Variants in RASSF6 observed in about 807,000 individuals in gnomAD.
RASSF6 encodes the protein Ras association domain family member 6, also known as ras association domain-containing protein 6.
RASSF6 carries 52 observed loss-of-function variants against 44.0 expected under a neutral mutation model. The ratio of observed to expected loss-of-function variants is 1.18; its 90% CI spans 0.95 to 1.49. The LOEUF is 1.49. RASSF6 is among the 40% of genes most tolerant of loss of function. The pLI is 0.00. For missense variants in RASSF6, 464 were observed against 393.3 expected (o/e 1.18, Z -1.52); for synonymous variants, 162 against 124.6 (o/e 1.30, Z -2.00).
At chr4:73,617,730 GT>G (rs1186595597) in intron 1 of RASSF6, among the ~76,000 whole-genome samples, 1 of 152,156 alleles carries the variant, frequency 6.6e-6, no homozygotes, top group Non-Finnish European at 1.5e-5. Flanking sequence ...TTGAGATTAT[GT>G]TATGAAAGTG....
chr4:73,616,887 T>C (rs1400765845), intron 1 of RASSF6, among the ~76,000 whole-genome samples: 1 of 152,110 alleles, frequency 6.6e-6, no homozygotes, highest in Non-Finnish European at 1.5e-5. Context: ...AACCTTGGAG[T>C]AGAGAAGAGC....
intron 2 of RASSF6, among the ~76,000 whole-genome samples, chr4:73,601,412 G>A (rs1290688482): frequency 1.3e-5 from 2 of 152,272 alleles, no homozygotes; most frequent in Non-Finnish European, 2.9e-5. Flanking sequence ...CTGGCTCTTC[G>A]CAGAGAAAGT....
intron 1 of RASSF6, 149 bp downstream of exon 1, chr4:73,620,139 A>G: frequency 2.4e-6 from 1 of 422,454 alleles, no homozygotes; most frequent in Non-Finnish European, 4.1e-6. Flanking sequence ...TGAGAAAATC[A>G]AAAGGAAAAG....
chr4:73,614,645 A>C (rs1726228402), intron 1 of RASSF6, among the ~76,000 whole-genome samples: 1 of 152,222 alleles, frequency 6.6e-6, no homozygotes, highest in Admixed American at 6.5e-5. Context: ...ATTTGCATTC[A>C]TAAGAAATAT....
Position 73,582,221 on chromosome 4 carries a change from C to T in RASSF6, c.637G>A (p.Glu213Lys), listed in dbSNP as rs1032458000. The change falls in exon 7 of 11, where the codon GAA becomes AAA. Residue 213 changes from glutamate to lysine, a missense_variant. Glu to Lys is a moderately conservative substitution (Grantham distance 56). Coordinates refer to ENST00000307439, the MANE Select transcript of RASSF6 (RefSeq NM_177532.5). ...TTTTGGAGAAGTTGCTTTATTACTT[C>T]TTCAGTTCTCATGTTACTGTTTACT... The part of the protein sequence containing the change: ...VRVNSNMRTE[E>K]VIKQLLQKFK... The T allele has an allele frequency of 6.3e-7, 1 of 1,591,208 alleles. No homozygotes were observed. The highest frequency in any genetic ancestry group is 1.7e-5 in the Admixed American group (1 of 58,878).
In RASSF6 at chr4:73,576,598, T is replaced by C; in HGVS notation, c.840+15A>G. The C allele has an allele frequency of 6.3e-7, 1 of 1,588,966 alleles. No homozygotes were observed. Among genetic ancestry groups the C allele is most frequent in the African/African-American group, 1.3e-5 (1 of 74,344 alleles). On this transcript the variant is annotated intron_variant, in intron 9 of 10. Coordinates refer to ENST00000307439, the MANE Select transcript of RASSF6 (RefSeq NM_177532.5). ...AGGGAAGCAAAAAACAGATTCAGGG[T>C]GATGGTATTCATACATCACTGCTAA...
At chr4:73,581,634 T>C (rs987671071) in intron 8 of RASSF6, among the ~76,000 whole-genome samples, 183 bp downstream of exon 8, 1 of 152,186 alleles carries the variant, frequency 6.6e-6, no homozygotes, top group African/African-American at 2.4e-5. Context: ...TACCTTATTC[T>C]TAAGTTATCT....
intron 6 of RASSF6, among the ~76,000 whole-genome samples, chr4:73,584,408 A>G (rs1326475704): frequency 6.6e-6 from 1 of 152,154 alleles, no homozygotes; most frequent in African/African-American, 2.4e-5. Flanking sequence ...GAAAAAAATG[A>G]TGATATATTT....
At chr4:73,580,590 T>C (rs1226237033) in intron 8 of RASSF6, among the ~76,000 whole-genome samples, 1 of 149,200 alleles carries the variant, frequency 6.7e-6, no homozygotes, top group Non-Finnish European at 1.5e-5. Context: ...TGGTATCTCA[T>C]TGTGGTTTTG....
chr4:73,576,484 G>T lies in RASSF6; in HGVS notation c.864C>A (p.His288Gln). The T allele has an allele frequency of 1.9e-6, 3 of 1,581,206 alleles. No individual in the cohort carries two copies. Among genetic ancestry groups the T allele is most frequent in the Non-Finnish European group, 2.6e-6 (3 of 1,162,084 alleles). Residue 288 changes from histidine to glutamine, a missense_variant, in exon 10 of 11, where the codon CAC (histidine) becomes CAA (glutamine). Coordinates refer to ENST00000307439, the MANE Select transcript of RASSF6 (RefSeq NM_177532.5). ...SSDVAQYINFHFSLLESILQR... is the reference protein window; with the variant it reads ...SSDVAQYINFQFSLLESILQR... ...GAAGAATGGATTCCAAGAGAGAAAA[G>T]TGAAAGTTAATGTACTGAGCCACCT...
chr4:73,576,707 T>A lies in RASSF6; in HGVS notation c.746A>T (p.Asp249Val), dbSNP rs200656717. ...TGEQRRLKKTDIPLLQRLLQG... is the reference protein window; with the variant it reads ...TGEQRRLKKTVIPLLQRLLQG... ...TAGGAGCCTCTGCAGTAGCGGAATG[T>A]CTGTCTTCTTTAGTCGTCTTTGTTC... The change falls in exon 9 of 11, where the codon GAC (aspartate) becomes GTC (valine). Residue 249 changes from aspartate (D) to valine (V), a missense_variant. Transcript: ENST00000307439. 1.1e-4 allele frequency: 185 copies of A among 1,611,570 alleles called. 1 individual carries two copies. The East Asian group carries it at 3.5e-3, about 30-fold the overall frequency.
intron 5 of RASSF6, among the ~76,000 whole-genome samples, chr4:73,585,877 C>T (rs965177161): frequency 6.6e-6 from 1 of 151,048 alleles, no homozygotes; most frequent in African/African-American, 2.4e-5. Flanking sequence ...GTAATGTGCA[C>T]AATGTGCAGG....
chr4:73,614,840 G>A (rs1726241546), intron 1 of RASSF6, among the ~76,000 whole-genome samples: 1 of 151,980 alleles, frequency 6.6e-6, no homozygotes, highest in Non-Finnish European at 1.5e-5. Flanking sequence ...TTTAATGTAA[G>A]AAAATAAAAA....
At chr4:73,602,985 G>T (rs1725383103) in intron 2 of RASSF6, among the ~76,000 whole-genome samples, 1 of 152,104 alleles carries the variant, frequency 6.6e-6, no homozygotes, top group Non-Finnish European at 1.5e-5. Flanking sequence ...CTACTCAGGA[G>T]GCTGAGGCAG....
chr4:73,572,178 C>T lies in RASSF6; in HGVS notation c.*4057G>A, dbSNP rs1315596231. The T allele has an allele frequency of 6.6e-6, 1 of 152,150 alleles. No individual in the cohort carries two copies. Among genetic ancestry groups the T allele is most frequent in the East Asian group, 1.9e-4 (1 of 5,196 alleles). 9.4% of individuals were successfully genotyped at this position (152,150 alleles called of 1,614,324 possible). A position where few individuals can be genotyped will look rare whatever the true frequency, so the allele number is the denominator to read the frequency against. On this transcript the variant is annotated 3_prime_UTR_variant, in exon 11 of 11. Coordinates refer to ENST00000307439, the MANE Select transcript of RASSF6 (RefSeq NM_177532.5). ...TCTAAAATGGCTGTTGACAGGAGGC[C>T]TCAATTCCCTGCTGGCATTTGATAG...
Position 73,576,165 on chromosome 4 carries a change from A to C in RASSF6, c.*70T>G. The C allele has an allele frequency of 1.2e-6, 1 of 802,978 alleles. No homozygotes were observed. 49.7% of individuals were successfully genotyped at this position (802,978 alleles called of 1,614,324 possible). On this transcript the variant is annotated 3_prime_UTR_variant, in exon 11 of 11. Coordinates refer to ENST00000307439, the MANE Select transcript of RASSF6 (RefSeq NM_177532.5). ...ATGTTCGTATAAATGCAAGTACAGA[A>C]CTTATGCATTCATCAAAGAGTAATA...
At position 73,575,605 on chromosome 4, in the gene RASSF6, A is replaced by G. The variant is rs1723160768; in HGVS notation, c.*630T>C. The G allele has an allele frequency of 6.6e-6, 1 of 152,154 alleles. No homozygotes were observed. Among genetic ancestry groups the G allele is most frequent in the East Asian group, 1.9e-4 (1 of 5,196 alleles). The allele number at this position is 152,154 out of a possible 1,614,324, so 9.4% of individuals were successfully genotyped here. On this transcript the variant is annotated 3_prime_UTR_variant, in exon 11 of 11. Transcript: ENST00000307439. ...ATGAAAGGTCTTTCATCAGCAGAAG[A>G]GAGAGAATAAAAGGGCTGGGGGGAG...
At chr4:73,604,935 G>A (rs1376927933) in intron 2 of RASSF6, among the ~76,000 whole-genome samples, 1 of 148,210 alleles carries the variant, frequency 6.7e-6, no homozygotes, top group Admixed American at 6.8e-5. Flanking sequence ...TATTGCCCAG[G>A]CTGGAGTGCA....
intron 3 of RASSF6, among the ~76,000 whole-genome samples, chr4:73,594,498 A>T (rs1381636996): frequency 1.3e-5 from 2 of 152,212 alleles, no homozygotes; most frequent in Non-Finnish European, 2.9e-5. Flanking sequence ...GGCCTTGGAC[A>T]AGTCACTGGC....
Sources: allele counts gnomAD v4.1 joint callset (sites outside exome capture counted in the v4.1 genomes callset), GRCh38; gene constraint gnomAD v4.1.1; transcripts MANE v1.5; gene names NCBI Gene and HGNC (gene_info 2026-07-23, HGNC 2026-07-21).